The following SLX4IP variants were observed in gnomAD, a reference collection of about 807,000 sequenced individuals.
The protein encoded by SLX4IP is protein SLX4IP.
In SLX4IP, 34 loss-of-function variants were observed where a neutral mutation model predicts 32.9. The ratio of observed to expected loss-of-function variants is 1.03; its 90% confidence interval spans 0.79 to 1.38. The LOEUF is 1.38. SLX4IP is among the 40% of genes most tolerant of loss of function. The pLI is 0.00. For missense variants in SLX4IP, 444 were observed against 479.0 expected (o/e 0.93, Z 0.68); for synonymous variants, 172 against 171.7 (o/e 1.00, Z -0.01).
At chr20:10,476,841 A>G (rs1032430599) in intron 2 of SLX4IP, among the ~76,000 whole-genome samples, 1 of 152,184 alleles carries the variant, frequency 6.6e-6, no homozygotes, top group Non-Finnish European at 1.5e-5. Context: ...ACATTGTTTT[A>G]CCCATCACTA....
At chr20:10,515,123 C>T (rs2065839085) in intron 2 of SLX4IP, among the ~76,000 whole-genome samples, 1 of 103,856 alleles carries the variant, frequency 9.6e-6, no homozygotes, top group Admixed American at 1.6e-4. Context: ...TTACTCTTGT[C>T]ACCCAGGCTT....
At chr20:10,457,509 T>C (rs550815829) in intron 1 of SLX4IP, among the ~76,000 whole-genome samples, 1 of 151,962 alleles carries the variant, frequency 6.6e-6, no homozygotes, top group South Asian at 2.1e-4. Flanking sequence ...GTGTATTATA[T>C]TGATTAATTT....
intron 2 of SLX4IP, among the ~76,000 whole-genome samples, chr20:10,503,913 G>T (rs545329176): frequency 1.6e-4 from 24 of 152,108 alleles, no homozygotes; most frequent in Non-Finnish European, 2.6e-4. Flanking sequence ...TTGGATTAAA[G>T]ATCTACCCTA....
intron 1 of SLX4IP, among the ~76,000 whole-genome samples, chr20:10,449,748 A>T (rs933615980): frequency 5.3e-5 from 8 of 152,334 alleles, no homozygotes; most frequent in African/African-American, 1.9e-4. Flanking sequence ...TTAAAAACAG[A>T]CTAAAATATT....
At chr20:10,567,939 CT>C (rs1364395830) in intron 4 of SLX4IP, among the ~76,000 whole-genome samples, 4 of 152,212 alleles carry the variant, frequency 2.6e-5, no homozygotes, top group Non-Finnish European at 4.4e-5. Context: ...AAATTTTTAT[CT>C]GTTCATAACT....
Position 10,621,395 on chromosome 20 carries a change from A to C in SLX4IP, c.487A>C (p.Arg163=), listed in dbSNP as rs577408655. 4.2e-5 allele frequency: 67 copies of C among 1,614,182 alleles called. No individual in the cohort carries two copies. In the East Asian group the frequency reaches 9.8e-4, roughly 24 times the overall value. ...ACTTCCTCCCAGTGCAAAGCTCCGGAGAAATGCTCTGAAAGAAATGTAGGT... is the reference window on the plus strand; with the variant it reads ...ACTTCCTCCCAGTGCAAAGCTCCGGCGAAATGCTCTGAAAGAAATGTAGGT... The part of the protein sequence containing the change: ...SSLPPSAKLR[R]NALKEIVKRT... Residue 163 remains arginine (R), a synonymous_variant, in exon 7 of 8, where the codon AGA becomes CGA. Transcript: ENST00000334534.
chr20:10,594,805 T>C (rs1306010157), intron 4 of SLX4IP, among the ~76,000 whole-genome samples: 1 of 152,236 alleles, frequency 6.6e-6, no homozygotes, highest in African/African-American at 2.4e-5. Context: ...TAGAGCCATT[T>C]TGGAGCAGCT....
chr20:10,500,618 G>T (rs758753319), intron 2 of SLX4IP, among the ~76,000 whole-genome samples: 7 of 152,192 alleles, frequency 4.6e-5, no homozygotes, highest in Non-Finnish European at 2.9e-5. Flanking sequence ...CATGCGTGGT[G>T]GTGCACACCT....
At chr20:10,559,186 A>T (rs2066303725) in intron 3 of SLX4IP, among the ~76,000 whole-genome samples, 1 of 152,132 alleles carries the variant, frequency 6.6e-6, no homozygotes, top group South Asian at 2.1e-4. Context: ...AACAATGCCG[A>T]AACACTCAAC....
rs147352231 is a variant in SLX4IP at position 10,568,965 on chromosome 20, C to T, written c.238+8145C>T. Among the ~76,000 whole-genome samples, 53 of 152,248 alleles carry T rather than the reference C, an allele frequency of 3.5e-4. 1 individual carries two copies. In the East Asian group the frequency reaches 7.2e-3, roughly 21 times the overall value. On this transcript the variant is annotated intron_variant, in intron 4 of 7. Coordinates refer to ENST00000334534, the MANE Select transcript of SLX4IP (RefSeq NM_001009608.3). ...CAATGCCTAATCCTCCTCAAAAGTT[C>T]GAATATTTCTCTTTTTCCCTTGTGC...
At chr20:10,492,170 T>G (rs960229095) in intron 2 of SLX4IP, among the ~76,000 whole-genome samples, 9 of 152,198 alleles carry the variant, frequency 5.9e-5, no homozygotes, top group African/African-American at 1.2e-4. Flanking sequence ...CCCAACAGTT[T>G]GTGATGAATG....
In SLX4IP at chr20:10,622,910, G is replaced by A. The variant is rs374618943; in HGVS notation, c.758G>A (p.Gly253Asp). Residue 253 changes from glycine (G) to aspartate (D), a missense_variant, in exon 8 of 8, where the codon GGC (glycine) becomes GAC (aspartate). By Grantham distance (94) the Gly-to-Asp change is moderately conservative (BLOSUM62 -1). Transcript: ENST00000334534. ...CAGACCCAGCCAGAAGACACTAGTG[G>A]CCAGCAAAAACCTCATCCTGGGGAG... The part of the protein sequence containing the change: ...VNQTQPEDTS[G>D]QQKPHPGERL... 1.9e-5 allele frequency: 31 copies of A among 1,613,944 alleles called. No individual in the cohort carries two copies. In the African/African-American group the frequency reaches 4.0e-4, roughly 21 times the overall value.
intron 4 of SLX4IP, among the ~76,000 whole-genome samples, chr20:10,573,653 G>A (rs946921821): frequency 6.6e-6 from 1 of 152,180 alleles, no homozygotes; most frequent in African/African-American, 2.4e-5. Flanking sequence ...AAACTGCACA[G>A]CACATTTTCA....
intron 4 of SLX4IP, among the ~76,000 whole-genome samples, chr20:10,561,681 C>CT (rs1415793464): frequency 1.3e-5 from 2 of 151,998 alleles, no homozygotes; most frequent in Admixed American, 1.3e-4. Context: ...ACCTTTCTCT[C>CT]TGAGTCCCCA....
chr20:10,589,083 A>G (rs1600134155), intron 4 of SLX4IP, among the ~76,000 whole-genome samples: 1 of 152,202 alleles, frequency 6.6e-6, no homozygotes. Context: ...TTATACCCCA[A>G]TAAAGGTGGG....
intron 4 of SLX4IP, among the ~76,000 whole-genome samples, chr20:10,567,570 A>G (rs614264): frequency 0.31 from 47,734 of 152,072 alleles, 8,654 homozygotes; most frequent in South Asian, 0.48. Context: ...GTAAATTTCT[A>G]TTCTTTATTC....
chr20:10,459,757 A>T (rs2065320600), intron 2 of SLX4IP, among the ~76,000 whole-genome samples: 1 of 152,078 alleles, frequency 6.6e-6, no homozygotes, highest in Admixed American at 6.6e-5. Context: ...TGGGGTTGAG[A>T]CCTTCTCAGG....
chr20:10,610,810 C>T (rs1386706141), intron 6 of SLX4IP, among the ~76,000 whole-genome samples: 1 of 152,170 alleles, frequency 6.6e-6, no homozygotes. Flanking sequence ...TTTCGTTATT[C>T]ATTGCGACTC....
At chr20:10,612,149 G>C (rs2066974410) in intron 6 of SLX4IP, among the ~76,000 whole-genome samples, 1 of 152,190 alleles carries the variant, frequency 6.6e-6, no homozygotes, top group Admixed American at 6.5e-5. Context: ...AGGCACTCTT[G>C]CCTTCTCTCC....
Sources: gnomAD v4.1 joint callset for allele counts (sites outside exome capture counted in the v4.1 genomes callset) on GRCh38, gnomAD v4.1.1 for gene constraint, MANE v1.5 for transcripts, NCBI Gene and HGNC (gene_info 2026-07-23, HGNC 2026-07-21) for gene names.